Variants in EDNRB observed in about 807,000 individuals in gnomAD.
EDNRB encodes endothelin receptor type B.
In EDNRB, 18 loss-of-function variants were observed where a neutral mutation model predicts 46.4. The observed-to-expected ratio is 0.39, with a 90% confidence interval of 0.27 to 0.57. EDNRB has a LOEUF of 0.57. Among genes scored for constraint, EDNRB ranks in the 20% least tolerant of loss-of-function variants. The pLI is 0.61. For missense variants in EDNRB, 434 were observed against 537.5 expected (o/e 0.81, Z 1.90); for synonymous variants, 213 against 204.9 (o/e 1.04, Z -0.34).
At chr13:77,955,081 A>G (rs2137678122) in intron 1 of EDNRB, among the ~76,000 whole-genome samples, 1 of 152,214 alleles carries the variant, frequency 6.6e-6, no homozygotes, top group South Asian at 2.1e-4. Flanking sequence ...TTACATTCCC[A>G]CCTACAATGT....
rs1323782438 is a variant in EDNRB at position 77,930,659 on chromosome 13, G to A, written c.-51-12035C>T. Among the ~76,000 whole-genome samples the A allele has an allele frequency of 5.9e-5, 9 of 152,308 alleles. No individual in the cohort carries two copies. In the South Asian group the frequency reaches 1.9e-3, roughly 32 times the overall value. ...CAGAGCTGAAACTGAAATCATGTCA[G>A]AAATGTTGAGTTTGTAACTTATTAA... On this transcript the variant is annotated intron_variant, in intron 1 of 7. Coordinates refer to the EDNRB transcript ENST00000646948.
In EDNRB at chr13:77,938,687, G is replaced by A. The variant is rs61963147; in HGVS notation, c.-51-20063C>T. On this transcript the variant is annotated intron_variant, in intron 1 of 7. Transcript: ENST00000646948. ...GGAGTTTTGGATCCACAGATAAAACGTGTCTCCTTTGTCTCTAACAGAAAA... is the reference window on the plus strand; with the variant it reads ...GGAGTTTTGGATCCACAGATAAAACATGTCTCCTTTGTCTCTAACAGAAAA... Among the ~76,000 whole-genome samples the A allele has an allele frequency of 7.3e-3, 1,119 of 152,298 alleles. 7 individuals are homozygous for A. The highest frequency in any genetic ancestry group is 0.012 in the Non-Finnish European group (834 of 68,026).
intron 1 of EDNRB, among the ~76,000 whole-genome samples, chr13:77,971,684 A>T (rs993119441): frequency 1.3e-4 from 20 of 152,176 alleles, no homozygotes; most frequent in East Asian, 3.9e-4. Flanking sequence ...ACCCACTAAA[A>T]TATTGACTTA....
intron 1 of EDNRB, among the ~76,000 whole-genome samples, chr13:77,928,178 A>T (rs1393017280): frequency 1.3e-5 from 2 of 152,250 alleles, no homozygotes; most frequent in Non-Finnish European, 1.5e-5. Context: ...AGCAAATTAG[A>T]CAAGTAATTA....
intron 1 of EDNRB, among the ~76,000 whole-genome samples, chr13:77,936,190 A>G (rs935805680): frequency 6.6e-6 from 1 of 152,092 alleles, no homozygotes; most frequent in African/African-American, 2.4e-5. Flanking sequence ...GGGAGATACA[A>G]GGGGAGGATG....
intron 1 of EDNRB, among the ~76,000 whole-genome samples, chr13:77,973,200 T>C (rs1006837323): frequency 2.0e-5 from 3 of 152,208 alleles, no homozygotes; most frequent in Non-Finnish European, 4.4e-5. Context: ...TTAGCACCTA[T>C]TTTTATTAGT....
At chr13:77,921,264 A>C (rs1880079555), upstream of EDNRB, among the ~76,000 whole-genome samples, 1 of 152,220 alleles carries the variant, frequency 6.6e-6, no homozygotes, top group African/African-American at 2.4e-5. Flanking sequence ...GTATTCAGTT[A>C]TACTTTATTA....
chr13:77,911,593 TTCAA>T (rs1373313136), intron 1 of EDNRB, among the ~76,000 whole-genome samples: 1 of 152,042 alleles, frequency 6.6e-6, no homozygotes, highest in Non-Finnish European at 1.5e-5. Flanking sequence ...TGAGAAATGC[TTCAA>T]TCAATTTTGC....
At chr13:77,948,737 C>T (rs1000644844) in intron 1 of EDNRB, among the ~76,000 whole-genome samples, 11 of 152,178 alleles carry the variant, frequency 7.2e-5, no homozygotes, top group African/African-American at 2.7e-4. Context: ...TTTATTCCAA[C>T]TCAAGACTTG....
intron 1 of EDNRB, among the ~76,000 whole-genome samples, chr13:77,912,053 T>C (rs1430586575): frequency 6.6e-6 from 1 of 152,130 alleles, no homozygotes; most frequent in African/African-American, 2.4e-5. Context: ...GATACCCTTA[T>C]ATGGTTTTCT....
At chr13:77,905,905 CT>C (rs1364240248) in intron 1 of EDNRB, among the ~76,000 whole-genome samples, 1 of 151,832 alleles carries the variant, frequency 6.6e-6, no homozygotes, top group Non-Finnish European at 1.5e-5. Flanking sequence ...AATTTGAATG[CT>C]TTTTTTGAGG....
chr13:77,944,610 A>C lies in EDNRB; in HGVS notation c.-51-25986T>G, dbSNP rs61963148. On this transcript the variant is annotated intron_variant, in intron 1 of 7. Transcript: ENST00000646948. ...TAAATGCATAATAGAGGCGTACATA[A>C]AGAGCTGTATAGTTCAAAGATAGAA... Among the ~76,000 whole-genome samples the C allele has an allele frequency of 7.3e-3, 1,118 of 152,298 alleles. 7 individuals carry two copies. The highest frequency in any genetic ancestry group is 0.012 in the Non-Finnish European group (837 of 68,014).
chr13:77,896,769 C>G lies in EDNRB; in HGVS notation c.*1431G>C. 7.5e-7 allele frequency: 1 copy of G among 1,329,428 alleles called. No homozygotes were observed. The highest frequency in any genetic ancestry group is 9.6e-7 in the Non-Finnish European group (1 of 1,041,536). 82.4% of individuals were successfully genotyped at this position (1,329,428 alleles called of 1,614,324 possible). On this transcript the variant is annotated 3_prime_UTR_variant, in exon 7 of 7. Coordinates refer to ENST00000646607, the MANE Select transcript of EDNRB (RefSeq NM_001122659.3). ...CCCCATGGGTTTCCTCCAACCCCAC[C>G]TCATTTCCTCTCTCTTCCGTTTTCT...
upstream of EDNRB, among the ~76,000 whole-genome samples, chr13:77,923,793 T>A (rs1594377314): frequency 1.4e-5 from 2 of 147,728 alleles, no homozygotes; most frequent in East Asian, 2.1e-4. Flanking sequence ...TTTTTTTTTT[T>A]AAAGAAAGTA....
intron 1 of EDNRB, among the ~76,000 whole-genome samples, chr13:77,914,324 A>G (rs1002382154): frequency 6.6e-6 from 1 of 152,202 alleles, no homozygotes; most frequent in African/African-American, 2.4e-5. Flanking sequence ...TTTTAATAAC[A>G]TTTATCATTT....
intron 6 of EDNRB, 57 bp downstream of exon 6, chr13:77,899,802 A>G (rs1878841321): frequency 7.5e-7 from 1 of 1,334,666 alleles, no homozygotes; most frequent in East Asian, 2.3e-5. Flanking sequence ...AGCAGTTTTG[A>G]AAGCTTATAT....
intron 2 of EDNRB, 40 bp from the exon 3 acceptor site, chr13:77,903,400 C>T (rs1240020778): frequency 1.2e-6 from 2 of 1,611,926 alleles, no homozygotes; most frequent in South Asian, 1.1e-5. Context: ...GCTGGCATAC[C>T]TTAGTTTTAT....
chr13:77,925,537 C>T (rs1880212531), intron 1 of EDNRB, among the ~76,000 whole-genome samples: 3 of 152,222 alleles, frequency 2.0e-5, no homozygotes, highest in African/African-American at 7.2e-5. Context: ...TAAGCCTTGG[C>T]ACCTTCCATG....
intron 1 of EDNRB, among the ~76,000 whole-genome samples, chr13:77,973,131 G>A (rs111541933): frequency 0.25 from 37,737 of 152,070 alleles, 5,841 homozygotes; most frequent in East Asian, 0.54. Context: ...TGTTTTAAAT[G>A]TGGGGACCTT....
Sources: allele counts gnomAD v4.1 joint callset (sites outside exome capture counted in the v4.1 genomes callset), GRCh38; gene constraint gnomAD v4.1.1; transcripts MANE v1.5; gene names NCBI Gene and HGNC (gene_info 2026-07-23, HGNC 2026-07-21).